STAM: variants seen among roughly 807,000 people sequenced by gnomAD.
The protein encoded by STAM is signal transducing adapter molecule 1.
A neutral mutation model predicts 63.4 loss-of-function variants in STAM; 16 were observed. That is an observed-to-expected ratio of 0.25 (90% confidence interval 0.17 to 0.38). The LOEUF (loss-of-function observed/expected upper bound fraction) is 0.38. Ranked by LOEUF, STAM falls within the 10% of genes least tolerant of loss-of-function variation. The probability of loss-of-function intolerance (pLI) is 1.00; values close to 1 mark genes in which losing one functional copy is unlikely to be tolerated. For missense variants in STAM, 636 were observed against 657.1 expected (o/e 0.97, Z 0.35); for synonymous variants, 238 against 223.9 (o/e 1.06, Z -0.56).
chr10:17,713,722 C>G (rs1554830326), intron 13 of STAM, among the ~76,000 whole-genome samples: 1 of 152,088 alleles, frequency 6.6e-6, no homozygotes, highest in African/African-American at 2.4e-5. Context: ...GGCTCTTCTG[C>G]TGGTCGGCTC....
At chr10:17,711,403 T>C (rs1836547799) in intron 13 of STAM, among the ~76,000 whole-genome samples, 1 of 152,248 alleles carries the variant, frequency 6.6e-6, no homozygotes, top group African/African-American at 2.4e-5. Flanking sequence ...ACAGTCAGCA[T>C]GTGCCAGGCA....
chr10:17,706,369 CTTTTTTTTTTTT>C lies in STAM; in HGVS notation c.1209+644_1209+655del, dbSNP rs59585445. Among the ~76,000 whole-genome samples, 87 of 70,210 alleles carry C rather than the reference CTTTTTTTTTTTT, an allele frequency of 1.2e-3. No individual in the cohort carries two copies. The East Asian group carries it at 0.025, about 21-fold the overall frequency. 46.1% of individuals were successfully genotyped at this position (70,210 alleles called of 152,430 possible). ...AATCAGAATCCTCAGGGTTGAGGCCCTTTTTTTTTTTTTTTTTTTTTTTTTTTGAGGCGGAGT... is the reference window on the plus strand; with the variant it reads ...AATCAGAATCCTCAGGGTTGAGGCCCTTTTTTTTTTTTTTTGAGGCGGAGT... On this transcript the variant is annotated intron_variant, in intron 12 of 13. Coordinates refer to ENST00000377524, the MANE Select transcript of STAM (RefSeq NM_003473.4).
chr10:17,683,020 C>G (rs1223147526), intron 2 of STAM, among the ~76,000 whole-genome samples: 1 of 152,164 alleles, frequency 6.6e-6, no homozygotes, highest in East Asian at 1.9e-4. Context: ...GTTATGAAAA[C>G]TGCTAACGGT....
rs10673746 is a variant in STAM, at chr10:17,666,387, A to ATTTT, written c.125+5861_125+5864dup. 1.9e-3 allele frequency among the ~76,000 whole-genome samples: 159 copies of ATTTT among 85,914 alleles called. 3 individuals are homozygous for ATTTT. Among genetic ancestry groups the ATTTT allele is most frequent in the East Asian group, 6.5e-3 (17 of 2,626 alleles). The allele number at this position is 85,914 out of a possible 152,430, so 56.4% of individuals were successfully genotyped here. On this transcript the variant is annotated intron_variant, in intron 2 of 13. Transcript: ENST00000377524. The stretch of plus-strand genomic sequence containing the variant: ...TAAAAATGTTTTTCCTTGGCTTTGT[A>ATTTT]TTTTTTTTTTTTTTTTTTTTTTTTT...
At chr10:17,699,916 T>G (rs1254277256) in intron 8 of STAM, among the ~76,000 whole-genome samples, 1 of 152,216 alleles carries the variant, frequency 6.6e-6, no homozygotes, top group Non-Finnish European at 1.5e-5. Flanking sequence ...AGTAGGTGAT[T>G]AACCTTTTTT....
At chr10:17,687,734 TTG>T (rs1319831471) in intron 4 of STAM, among the ~76,000 whole-genome samples, 6 of 152,170 alleles carry the variant, frequency 3.9e-5, no homozygotes, top group Non-Finnish European at 2.9e-5. Context: ...ACACTTTTCC[TTG>T]TCTTACTGAT....
chr10:17,708,896 C>G lies in STAM; in HGVS notation c.1330C>G (p.Pro444Ala), dbSNP rs781977378. The part of the protein sequence containing the change: ...QLSSLSQAVV[P>A]PSANPALPSQ... Reference sequence around the variant, plus strand: ...GTCTTCTCTCAGCCAGGCAGTGGTCCCACCATCCGCAAACCCAGCCCTTCC... The same window carrying G: ...GTCTTCTCTCAGCCAGGCAGTGGTCGCACCATCCGCAAACCCAGCCCTTCC... Residue 444 changes from proline (P) to alanine (A), a missense_variant, in exon 13 of 14, where the codon CCA becomes GCA. Pro to Ala is a conservative substitution (Grantham distance 27). This residue lies in a region of STAM where 532 missense variants were observed against 536.9 expected (regional missense o/e 0.99). Transcript: ENST00000377524. 6.2e-7 allele frequency: 1 copy of G among 1,614,142 alleles called. No homozygotes were observed. The highest frequency in any genetic ancestry group is 1.7e-5 in the Admixed American group (1 of 60,026).
At chr10:17,700,118 T>C in intron 8 of STAM, 73 bp from the exon 9 acceptor site, 1 of 1,255,268 alleles carries the variant, frequency 8.0e-7, no homozygotes, top group Non-Finnish European at 1.1e-6. Flanking sequence ...AAATCTCTCT[T>C]GGAAGTTAAA....
rs781976343 is a variant in STAM at position 17,715,569 on chromosome 10, C to T, written c.*789C>T. 5 of 152,460 alleles carry T rather than the reference C, an allele frequency of 3.3e-5. No homozygotes were observed. Among genetic ancestry groups the T allele is most frequent in the Non-Finnish European group, 4.4e-5 (3 of 68,016 alleles). 9.4% of individuals were successfully genotyped at this position (152,460 alleles called of 1,614,324 possible). A position where few individuals can be genotyped will look rare whatever the true frequency, so the allele number is the denominator to read the frequency against. ...CATGACATTTCAGAGTATTGTGGGA[C>T]CATGAGACAAAATTAAGTACGATCA... On this transcript the variant is annotated 3_prime_UTR_variant, in exon 14 of 14. Transcript: ENST00000377524.
At chr10:17,684,079 G>A (rs1835194718) in intron 2 of STAM, among the ~76,000 whole-genome samples, 1 of 152,082 alleles carries the variant, frequency 6.6e-6, no homozygotes, top group East Asian at 1.9e-4. Flanking sequence ...ACGACTGTGT[G>A]AGCGTTGGAT....
chr10:17,701,117 A>G (rs1564566590), intron 9 of STAM, among the ~76,000 whole-genome samples: 1 of 152,234 alleles, frequency 6.6e-6, no homozygotes, highest in Non-Finnish European at 1.5e-5. Context: ...ACATAATGGT[A>G]CCCAAATTGG....
At chr10:17,691,935 C>T (rs1294186835) in intron 5 of STAM, among the ~76,000 whole-genome samples, 1 of 152,188 alleles carries the variant, frequency 6.6e-6, no homozygotes, top group East Asian at 1.9e-4. Flanking sequence ...TCTGTTTACA[C>T]TGTAGTTGTC....
intron 1 of STAM, among the ~76,000 whole-genome samples, chr10:17,646,756 T>C (rs1165428931): frequency 1.3e-5 from 2 of 152,162 alleles, no homozygotes; most frequent in Non-Finnish European, 2.9e-5. Flanking sequence ...TTGCACAGAG[T>C]CCAGTAGACT....
At chr10:17,705,105 C>CT in intron 11 of STAM, 81 bp downstream of exon 11, 2 of 1,192,068 alleles carry the variant, frequency 1.7e-6, no homozygotes, top group Admixed American at 2.1e-5. Flanking sequence ...CTATAACTGC[C>CT]TTTTAAAAAA....
At chr10:17,685,621 C>G (rs1254903927) in intron 4 of STAM, among the ~76,000 whole-genome samples, 2 of 152,128 alleles carry the variant, frequency 1.3e-5, no homozygotes, top group Admixed American at 1.3e-4. Context: ...CATACTTGAT[C>G]TTTTAGTGTT....
intron 12 of STAM, 104 bp from the exon 13 acceptor site, chr10:17,708,672 G>C: frequency 8.5e-7 from 1 of 1,175,380 alleles, no homozygotes; most frequent in Non-Finnish European, 1.1e-6. Context: ...GGATTCCAGA[G>C]TGGTGATTTT....
Position 17,691,063 on chromosome 10 carries a change from G to A in STAM, c.445-2159G>A, listed in dbSNP as rs146563746. ...TTGTGAACAAAAATTTATGTAAACC[G>A]TAAAACTTATTTCTGACCAGGCATA... On this transcript the variant is annotated intron_variant, in intron 5 of 13. Coordinates refer to ENST00000377524, the MANE Select transcript of STAM (RefSeq NM_003473.4). 2.8e-3 allele frequency among the ~76,000 whole-genome samples: 422 copies of A among 152,254 alleles called. 4 individuals carry two copies. The highest frequency in any genetic ancestry group is 8.8e-3 in the African/African-American group (366 of 41,540).
rs74118016 is a variant in STAM, at chr10:17,700,725, C to G, written c.912+446C>G. On this transcript the variant is annotated intron_variant, in intron 9 of 13. Transcript: ENST00000377524. Reference sequence around the variant, plus strand: ...TTGTTGAGCAAAACAAGTTTTTACACTCGTATTCATATCATGCGAGAACTC... The same window carrying G: ...TTGTTGAGCAAAACAAGTTTTTACAGTCGTATTCATATCATGCGAGAACTC... Among the ~76,000 whole-genome samples the G allele has an allele frequency of 6.7e-3, 1,016 of 152,144 alleles. 10 individuals are homozygous for G. The highest frequency in any genetic ancestry group is 0.023 in the African/African-American group (959 of 41,486).
intron 2 of STAM, among the ~76,000 whole-genome samples, chr10:17,668,117 T>G (rs1554823660): frequency 6.6e-6 from 1 of 152,202 alleles, no homozygotes; most frequent in Non-Finnish European, 1.5e-5. Context: ...TACACTGTTA[T>G]TAAAAGCTCC....
Sources: gnomAD v4.1 joint callset for allele counts (sites outside exome capture counted in the v4.1 genomes callset) on GRCh38, gnomAD v4.1.1 for gene constraint, gnomAD v4.1.1 regional missense constraint, MANE v1.5 for transcripts, NCBI Gene and HGNC (gene_info 2026-07-23, HGNC 2026-07-21) for gene names.